Variants in NDST3 observed in about 807,000 individuals in gnomAD.
The protein encoded by NDST3 is bifunctional heparan sulfate N-deacetylase/N-sulfotransferase 3.
In NDST3, 58 loss-of-function variants were observed where a neutral mutation model predicts 96.1. The ratio of observed to expected loss-of-function variants is 0.60; its 90% CI spans 0.49 to 0.75. NDST3 has a LOEUF of 0.75. NDST3 is among the 30% of genes least tolerant of loss of function. The pLI, the probability that NDST3 is intolerant of heterozygous loss-of-function variation, is 0.00. For synonymous variants in NDST3, 333 were observed against 359.7 expected (o/e 0.93, Z 0.84); for missense variants, 788 against 1,034.2 (o/e 0.76, Z 3.27).
At position 118,257,896 on chromosome 4, in the gene NDST3, C is replaced by T. The variant is rs976900805; in HGVS notation, c.*2184C>T. 6.6e-6 allele frequency: 1 copy of T among 152,122 alleles called. No homozygotes were observed. The highest frequency in any genetic ancestry group is 2.4e-5 in the African/African-American group (1 of 41,420). 9.4% of individuals were successfully genotyped at this position (152,122 alleles called of 1,614,324 possible). ...GAAAATTACTATAGTCTTCCATCTC[C>T]ACCAACTTAAGAAAACTGGCTTAGG... On this transcript the variant is annotated 3_prime_UTR_variant, in exon 14 of 14. Transcript: ENST00000296499.
At chr4:118,076,796 T>C (rs1427527272) in intron 2 of NDST3, among the ~76,000 whole-genome samples, 1 of 152,218 alleles carries the variant, frequency 6.6e-6, no homozygotes, top group Non-Finnish European at 1.5e-5. Context: ...ACGCCTGTTA[T>C]TTCAGCTATT....
At chr4:118,122,336 T>C (rs1167988689) in intron 4 of NDST3, among the ~76,000 whole-genome samples, 1 of 152,166 alleles carries the variant, frequency 6.6e-6, no homozygotes, top group Non-Finnish European at 1.5e-5. Flanking sequence ...AGGGGGCACT[T>C]GCATTCTGAG....
intron 6 of NDST3, among the ~76,000 whole-genome samples, chr4:118,200,178 T>A (rs1000016608): frequency 6.6e-6 from 1 of 152,210 alleles, no homozygotes; most frequent in African/African-American, 2.4e-5. Context: ...AGAGGTGCCA[T>A]TCAGGAGCCA....
intron 6 of NDST3, among the ~76,000 whole-genome samples, chr4:118,144,186 C>CTT (rs112629601): frequency 7.6e-4 from 112 of 146,432 alleles, no homozygotes; most frequent in African/African-American, 2.6e-3. Context: ...TAATGGGCTA[C>CTT]TTTTTTTTTT....
intron 6 of NDST3, among the ~76,000 whole-genome samples, chr4:118,147,264 G>A (rs1391264702): frequency 6.6e-6 from 1 of 152,160 alleles, no homozygotes; most frequent in African/African-American, 2.4e-5. Context: ...GAGCCTGTCG[G>A]TCAGAAACAG....
chr4:118,114,350 C>T (rs975885855), intron 3 of NDST3, among the ~76,000 whole-genome samples: 6 of 152,164 alleles, frequency 3.9e-5, no homozygotes, highest in African/African-American at 1.2e-4. Flanking sequence ...TCTTCCCAGA[C>T]CTAAGGAGGA....
intron 4 of NDST3, among the ~76,000 whole-genome samples, chr4:118,132,076 T>C (rs1578698227): frequency 6.6e-6 from 1 of 152,178 alleles, no homozygotes; most frequent in East Asian, 1.9e-4. Flanking sequence ...CTACCACCTA[T>C]GTTCACTCAA....
chr4:118,243,542 A>G (rs1465416032), intron 12 of NDST3, among the ~76,000 whole-genome samples: 1 of 152,224 alleles, frequency 6.6e-6, no homozygotes, highest in Non-Finnish European at 1.5e-5. Context: ...TAGGTATTTA[A>G]CATTCAACTT....
intron 6 of NDST3, among the ~76,000 whole-genome samples, chr4:118,148,932 T>C (rs1047329904): frequency 2.0e-5 from 3 of 152,202 alleles, no homozygotes; most frequent in Non-Finnish European, 2.9e-5. Flanking sequence ...GATTTTTGTA[T>C]AAGGTGTAAG....
rs777458340 is a variant in NDST3, at chr4:118,255,590, T to TA, written c.2503-2dup. ...GTACTTTTCTCTCCTCCTCTCCACT[T>TA]AGAGCAGGACATTTCTGTCAAGCTA... is the stretch of plus-strand genomic sequence containing the variant. On this transcript the variant is annotated splice_polypyrimidine_tract_variant and splice_region_variant and intron_variant, in intron 13 of 13. Transcript: ENST00000296499. 9.3e-6 allele frequency: 15 copies of TA among 1,606,332 alleles called. No individual in the cohort carries two copies. Among genetic ancestry groups the TA allele is most frequent in the Middle Eastern group, 1.7e-4 (1 of 6,034 alleles).
intron 6 of NDST3, among the ~76,000 whole-genome samples, chr4:118,179,750 C>A (rs543417314): frequency 2.0e-4 from 30 of 152,100 alleles, no homozygotes; most frequent in African/African-American, 6.5e-4. Context: ...AGAAAAAAAA[C>A]TCAAGTAAGC....
intron 1 of NDST3, among the ~76,000 whole-genome samples, chr4:118,035,948 T>C (rs1400008247): frequency 6.6e-6 from 1 of 152,110 alleles, no homozygotes; most frequent in African/African-American, 2.4e-5. Context: ...TTGGTGGAGT[T>C]ATATATACCC....
chr4:118,153,188 G>T (rs1417377207), intron 6 of NDST3, among the ~76,000 whole-genome samples: 2 of 152,166 alleles, frequency 1.3e-5, no homozygotes, highest in Admixed American at 6.5e-5. Context: ...TCATTTTGAA[G>T]CTTGCAAAGT....
At chr4:118,084,649 A>G (rs923666845) in intron 2 of NDST3, among the ~76,000 whole-genome samples, 2 of 152,226 alleles carry the variant, frequency 1.3e-5, no homozygotes, top group Non-Finnish European at 2.9e-5. Flanking sequence ...GCCTGCAATA[A>G]TAACAAAATC....
At position 118,240,492 on chromosome 4, in the gene NDST3, G is replaced by C. The variant is rs778919883; in HGVS notation, c.2119-32G>C. On this transcript the variant is annotated intron_variant, in intron 10 of 13. Coordinates refer to ENST00000296499, the MANE Select transcript of NDST3 (RefSeq NM_004784.3). ...TTTAATTATTTATGCCTACGGTTCA[G>C]ATTAGTTTAATTATCCACCTTTTCA... 3.0e-5 allele frequency: 46 copies of C among 1,547,050 alleles called. No homozygotes were observed. In the Admixed American group the frequency reaches 8.7e-4, roughly 29 times the overall value.
At chr4:118,201,109 C>T (rs975893778) in intron 6 of NDST3, among the ~76,000 whole-genome samples, 1 of 152,106 alleles carries the variant, frequency 6.6e-6, no homozygotes, top group Non-Finnish European at 1.5e-5. Flanking sequence ...GCTGCAAAGG[C>T]CATGATTTCA....
At chr4:118,194,866 C>T (rs1046192694) in intron 6 of NDST3, 5 of 276,724 alleles carry the variant, frequency 1.8e-5, no homozygotes, top group Middle Eastern at 1.1e-3. Flanking sequence ...GTGCTGACTG[C>T]GGACCACATG....
chr4:118,107,101 A>ATCATC (rs1730260613), intron 3 of NDST3, among the ~76,000 whole-genome samples: 1 of 151,696 alleles, frequency 6.6e-6, no homozygotes, highest in African/African-American at 2.4e-5. Context: ...AAATAATAAT[A>ATCATC]ATAATAATAA....
At chr4:118,252,214 G>A (rs1741790980) in intron 12 of NDST3, among the ~76,000 whole-genome samples, 1 of 152,102 alleles carries the variant, frequency 6.6e-6, no homozygotes, top group Non-Finnish European at 1.5e-5. Flanking sequence ...TTTTATATCT[G>A]AGCATACAAA....
Sources: gnomAD v4.1 joint callset for allele counts (sites outside exome capture counted in the v4.1 genomes callset) on GRCh38, gnomAD v4.1.1 for gene constraint, MANE v1.5 for transcripts, NCBI Gene and HGNC (gene_info 2026-07-23, HGNC 2026-07-21) for gene names.